KANK1: variants seen among roughly 807,000 people sequenced by gnomAD.
The protein encoded by KANK1 is KN motif and ankyrin repeat domain-containing protein 1.
In KANK1, 109 loss-of-function variants were observed where a neutral mutation model predicts 106.2. The observed-to-expected ratio is 1.03, with a 90% CI of 0.88 to 1.20. The LOEUF is 1.20. Among genes scored for constraint, KANK1 ranks in the 50% most tolerant of loss-of-function variants. The pLI, the probability that KANK1 is intolerant of heterozygous loss-of-function variation, is 0.00. For missense variants in KANK1, 2,399 were observed against 1,710.7 expected (o/e 1.40, Z -7.10); for synonymous variants, 873 against 652.2 (o/e 1.34, Z -5.16).
chr9:707,130 TGTTGAAACTTCTCCTCA>T, intron 2 of KANK1: 1 of 985,412 alleles, frequency 1.0e-6, no homozygotes, highest in South Asian at 4.7e-5. Context: ...TTTACACGAA[TGTTGAAACTTCTCCTCA>T]CGGGGTGAGG....
intron 1 of KANK1, among the ~76,000 whole-genome samples, chr9:517,373 A>G (rs184059140): frequency 1.1e-4 from 16 of 151,888 alleles, no homozygotes; most frequent in East Asian, 5.8e-4. Context: ...AAGTGCTAGG[A>G]TCACAGGCGT....
chr9:492,308 G>C lies in KANK1; in HGVS notation c.-362+19035G>C, dbSNP rs1455860537. On this transcript the variant is annotated intron_variant, in intron 3 of 15. Transcript: ENST00000382303. Reference sequence around the variant, plus strand: ...GTACTTAACTTGCAAAGCATCGATAGTTAGAGATTTATTTCACAAAACTGA... The same window carrying C: ...GTACTTAACTTGCAAAGCATCGATACTTAGAGATTTATTTCACAAAACTGA... The C allele has an allele frequency of 2.0e-5, 3 of 152,224 alleles. No homozygotes were observed. In the East Asian group the frequency reaches 5.8e-4, roughly 29 times the overall value. 9.4% of individuals were successfully genotyped at this position (152,224 alleles called of 1,614,324 possible). A position where few individuals can be genotyped will look rare whatever the true frequency, so the allele number is the denominator to read the frequency against.
At chr9:618,269 C>T (rs962377186) in intron 1 of KANK1, among the ~76,000 whole-genome samples, 2 of 152,148 alleles carry the variant, frequency 1.3e-5, no homozygotes, top group South Asian at 2.1e-4. Flanking sequence ...AGTGCAGTGG[C>T]GTGATCTCAG....
At chr9:733,558 G>A (rs2131846405) in intron 6 of KANK1, 1 of 152,308 alleles carries the variant, frequency 6.6e-6, no homozygotes, top group African/African-American at 2.4e-5. Flanking sequence ...GTCAAGGCAA[G>A]AGGATCGCTT....
upstream of KANK1, among the ~76,000 whole-genome samples, chr9:500,639 T>C (rs966755858): frequency 3.2e-4 from 49 of 152,324 alleles, no homozygotes; most frequent in African/African-American, 1.1e-3. Context: ...ATTTAACATA[T>C]GAAGGTGATT....
At chr9:686,740 A>C (rs1037702434) in intron 2 of KANK1, 1 of 985,060 alleles carries the variant, frequency 1.0e-6, no homozygotes, top group African/African-American at 1.7e-5. Flanking sequence ...ATTGTTACCT[A>C]TGAGCCTATC....
chr9:720,326 G>A (rs1363403932), intron 3 of KANK1, among the ~76,000 whole-genome samples: 1 of 152,168 alleles, frequency 6.6e-6, no homozygotes, highest in African/African-American at 2.4e-5. Context: ...AAGGTGTTTT[G>A]TAATTACTCC....
At chr9:741,256 T>C (rs543935343) in intron 9 of KANK1, among the ~76,000 whole-genome samples, 77 of 152,268 alleles carry the variant, frequency 5.1e-4, no homozygotes, top group African/African-American at 1.7e-3. Flanking sequence ...TGACTGTTGC[T>C]TCCTGTCTCT....
chr9:575,505 AG>A lies in KANK1; in HGVS notation c.-84+70754del, dbSNP rs1307127075. On this transcript the variant is annotated intron_variant, in intron 1 of 11. Transcript: ENST00000382297. ...CAACATAGCAAGACCCTGTCTCTAC[AG>A]GGAAAAAAAAAAAAAAAAAGCCAGG... is the stretch of plus-strand genomic sequence containing the variant. 6.0e-4 allele frequency among the ~76,000 whole-genome samples: 44 copies of A among 72,858 alleles called. No individual in the cohort carries two copies. The Middle Eastern group carries it at 0.018, about 30-fold the overall frequency. 47.8% of individuals were successfully genotyped at this position (72,858 alleles called of 152,430 possible).
intron 1 of KANK1, among the ~76,000 whole-genome samples, chr9:626,499 C>T (rs1563885082): frequency 6.6e-6 from 1 of 152,176 alleles, no homozygotes; most frequent in African/African-American, 2.4e-5. Context: ...ATTCTGAATG[C>T]TCCTTTAGTC....
intron 1 of KANK1, among the ~76,000 whole-genome samples, chr9:583,704 T>C (rs2135371942): frequency 6.7e-6 from 1 of 150,330 alleles, no homozygotes; most frequent in South Asian, 2.1e-4. Context: ...ATAAATCCAT[T>C]ATATAGTAAT....
At chr9:501,731 T>C (rs1292612405), upstream of KANK1, among the ~76,000 whole-genome samples, 1 of 151,400 alleles carries the variant, frequency 6.6e-6, no homozygotes, top group East Asian at 1.9e-4. Context: ...TTTAAAAAAA[T>C]AGAGATGAGG....
intron 1 of KANK1, among the ~76,000 whole-genome samples, chr9:545,994 C>T (rs1265661000): frequency 6.6e-6 from 1 of 152,006 alleles, no homozygotes; most frequent in South Asian, 2.1e-4. Context: ...GTGATCCACC[C>T]GCCTTGGCCT....
At chr9:697,131 G>C (rs1442932682) in intron 2 of KANK1, among the ~76,000 whole-genome samples, 1 of 151,884 alleles carries the variant, frequency 6.6e-6, no homozygotes. Flanking sequence ...CAGTTGTCAT[G>C]TCTTTTTGGC....
intron 2 of KANK1, among the ~76,000 whole-genome samples, chr9:696,304 T>A (rs1055253116): frequency 6.6e-6 from 1 of 150,984 alleles, no homozygotes; most frequent in African/African-American, 2.4e-5. Flanking sequence ...AAAAAACTGC[T>A]TGACTTCTGC....
chr9:667,844 G>C (rs935889130), intron 1 of KANK1, among the ~76,000 whole-genome samples: 1 of 150,384 alleles, frequency 6.6e-6, no homozygotes, highest in African/African-American at 2.4e-5. Context: ...TGATTCTCCT[G>C]CCTCAGCCTC....
intron 2 of KANK1, among the ~76,000 whole-genome samples, chr9:701,338 A>C (rs936714609): frequency 3.9e-5 from 6 of 152,192 alleles, no homozygotes; most frequent in Non-Finnish European, 8.8e-5. Flanking sequence ...TCCCCACCTC[A>C]GGTGATCCAG....
intron 1 of KANK1, among the ~76,000 whole-genome samples, chr9:636,061 T>G (rs117065564): frequency 1.1e-4 from 16 of 152,276 alleles, no homozygotes; most frequent in South Asian, 2.1e-4. Flanking sequence ...TTTTCTGATA[T>G]TCTCAGACAA....
rs746711217 is a variant in KANK1 at position 711,983 on chromosome 9, A to G, written c.1217A>G (p.Glu406Gly). The change falls in exon 3 of 12, where the codon GAG becomes GGG. Residue 406 changes from glutamate (E) to glycine (G), a missense_variant. Physicochemically the swap from Glu to Gly is moderately conservative, Grantham distance 98. Transcript: ENST00000382297. ...TGCCGGTCTGTGGCTGTGGGTGCCG[A>G]GGAGAACATGAACGACATCGTCGTG... ...GECRSVAVGAEENMNDIVVYH... is the reference protein window; with the variant it reads ...GECRSVAVGAGENMNDIVVYH... The G allele has an allele frequency of 6.2e-7, 1 of 1,614,168 alleles. No individual in the cohort carries two copies. The highest frequency in any genetic ancestry group is 1.1e-5 in the South Asian group (1 of 91,070).
Sources: allele counts gnomAD v4.1 joint callset (sites outside exome capture counted in the v4.1 genomes callset), GRCh38; gene constraint gnomAD v4.1.1; transcripts MANE v1.5; gene names NCBI Gene and HGNC (gene_info 2026-07-23, HGNC 2026-07-21).